TADA2B: variants seen among roughly 807,000 people sequenced by gnomAD.
TADA2B encodes transcriptional adapter 2-beta.
A neutral mutation model predicts 34.5 loss-of-function variants in TADA2B; 13 were observed. The observed-to-expected ratio is 0.38, with a 90% CI of 0.25 to 0.60. The LOEUF is 0.60. Ranked by LOEUF, TADA2B falls within the 20% of genes least tolerant of loss-of-function variation. The probability of loss-of-function intolerance (pLI) is 0.65; values close to 1 mark genes in which losing one functional copy is unlikely to be tolerated. For synonymous variants in TADA2B, 240 were observed against 243.4 expected, an observed-to-expected ratio of 0.99 and a Z score of 0.13; for missense variants, 442 against 575.0, an observed-to-expected ratio of 0.77 and a Z score of 2.37.
At chr4:7,049,239 C>T (rs762262747) in intron 1 of TADA2B, among the ~76,000 whole-genome samples, 10 of 152,260 alleles carry the variant, frequency 6.6e-5, no homozygotes, top group Non-Finnish European at 1.0e-4. Flanking sequence ...CCACCACACC[C>T]GCCTAATTTT....
At position 7,055,395 on chromosome 4, in the gene TADA2B, G is replaced by A. The variant is rs1723866415; in HGVS notation, c.*341G>A. The A allele has an allele frequency of 5.2e-6, 1 of 191,952 alleles. No homozygotes were observed. The highest frequency in any genetic ancestry group is 1.4e-4 in the East Asian group (1 of 7,156). 11.9% of individuals were successfully genotyped at this position (191,952 alleles called of 1,614,324 possible). A position where few individuals can be genotyped will look rare whatever the true frequency, so the allele number is the denominator to read the frequency against. On this transcript the variant is annotated 3_prime_UTR_variant, in exon 2 of 2. Coordinates refer to ENST00000310074, the MANE Select transcript of TADA2B (RefSeq NM_152293.3). The stretch of plus-strand genomic sequence containing the variant: ...GGTACAAAAGCTATTGTGGGTGACA[G>A]GAGCAGTGTTTTCCTGCTGGACCCG...
chr4:7,052,673 G>T lies in TADA2B; in HGVS notation c.271-1389G>T, dbSNP rs976774067. Among the ~76,000 whole-genome samples, 3 of 152,370 alleles carry T rather than the reference G, an allele frequency of 2.0e-5. No individual in the cohort carries two copies. In the East Asian group the frequency reaches 5.8e-4, roughly 29 times the overall value. ...AGAGTGGCAGTAGCTGCCGGCAATA[G>T]TTGTGACTTGGTGTTGTGTTTTGTT... On this transcript the variant is annotated intron_variant, in intron 1 of 1. Coordinates refer to ENST00000310074, the MANE Select transcript of TADA2B (RefSeq NM_152293.3).
intron 1 of TADA2B, among the ~76,000 whole-genome samples, chr4:7,045,338 T>C (rs995345609): frequency 2.6e-5 from 4 of 152,226 alleles, no homozygotes. Context: ...CGGCTGATGT[T>C]TACGTTTACT....
At chr4:7,045,727 C>T (rs1723612193) in intron 1 of TADA2B, 1 of 152,274 alleles carries the variant, frequency 6.6e-6, no homozygotes, top group Non-Finnish European at 1.5e-5. Flanking sequence ...GGACATTTTC[C>T]CGACAGCCCT....
In TADA2B at chr4:7,055,312, G is replaced by A. The variant is rs948195478; in HGVS notation, c.*258G>A. ...CTGCGATGATGCTCCGCCTTTACCC[G>A]TTCAGTTGGGAGCTTATTGTGAGAT... On this transcript the variant is annotated 3_prime_UTR_variant, in exon 2 of 2. Transcript: ENST00000310074. The A allele has an allele frequency of 1.1e-5, 5 of 437,422 alleles. No homozygotes were observed. Among genetic ancestry groups the A allele is most frequent in the African/African-American group, 4.0e-5 (2 of 49,756 alleles). 27.1% of individuals were successfully genotyped at this position (437,422 alleles called of 1,614,324 possible).
chr4:7,045,578 T>C (rs6832413), intron 1 of TADA2B: 149,864 of 152,384 alleles, frequency 0.98, 73,705 homozygotes, highest in East Asian at 1. Context: ...GCTCTCCCTG[T>C]AAATCATGGC....
intron 1 of TADA2B, among the ~76,000 whole-genome samples, chr4:7,050,995 C>T (rs776655720): frequency 6.6e-6 from 1 of 152,252 alleles, no homozygotes; most frequent in Non-Finnish European, 1.5e-5. Flanking sequence ...ATCTGAAAAC[C>T]GTAGGCGGTA....
In TADA2B at chr4:7,054,898, C is replaced by T. The variant is rs779909702; in HGVS notation, c.1107C>T (p.Tyr369=). 29 of 1,613,844 alleles carry T rather than the reference C, an allele frequency of 1.8e-5. No homozygotes were observed. In the East Asian group the frequency reaches 4.9e-4, roughly 27 times the overall value. The change falls in exon 2 of 2, where the codon TAC becomes TAT. Residue 369 remains tyrosine (Y), a synonymous_variant. Coordinates refer to ENST00000310074, the MANE Select transcript of TADA2B (RefSeq NM_152293.3). ...CSSLNLSPAR[Y]VTVKTIIIKD... is the part of the protein sequence containing the mutation. The stretch of plus-strand genomic sequence containing the variant: ...CTTTAAACTTGAGTCCAGCCCGCTA[C>T]GTGACTGTGAAGACTATTATAATTA...
intron 1 of TADA2B, 170 bp from the exon 2 acceptor site, chr4:7,053,890 CCT>C (rs1405596561): frequency 8.8e-6 from 6 of 683,170 alleles, no homozygotes; most frequent in African/African-American, 5.4e-5. Flanking sequence ...TCATCTCTCC[CCT>C]GAGCCCAGCT....
Position 7,050,753 on chromosome 4 carries a change from G to A in TADA2B, c.271-3309G>A, listed in dbSNP as rs924831478. On this transcript the variant is annotated intron_variant, in intron 1 of 1. Coordinates refer to ENST00000310074, the MANE Select transcript of TADA2B (RefSeq NM_152293.3). ...GCCTGAGCTGTGGCACGTCTCCAAC[G>A]TGCTTGTTCCAGAAAGAAGAGCAGA... Among the ~76,000 whole-genome samples, 11 of 152,216 alleles carry A rather than the reference G, an allele frequency of 7.2e-5. No individual in the cohort carries two copies. In the South Asian group the frequency reaches 1.7e-3, roughly 23 times the overall value.
chr4:7,054,473 C>G lies in TADA2B; in HGVS notation c.682C>G (p.Leu228Val). The part of the protein sequence containing the change: ...RRKNIARDYN[L>V]VPAFLGKDKK... ...GAAGAACATCGCCCGTGACTACAAT[C>G]TGGTGCCAGCCTTCCTGGGGAAGGA... The change falls in exon 2 of 2, where the codon CTG becomes GTG. Residue 228 changes from leucine (L) to valine (V), a missense_variant. Around this residue, in one of 4 missense-constraint regions of TADA2B, gnomAD observed 222 missense variants for 235.2 expected, o/e 0.94. Transcript: ENST00000310074. 6.2e-7 allele frequency: 1 copy of G among 1,613,738 alleles called. No individual in the cohort carries two copies. Among genetic ancestry groups the G allele is most frequent in the Non-Finnish European group, 8.5e-7 (1 of 1,179,902 alleles).
chr4:7,057,189 A>G lies in TADA2B; in HGVS notation c.*2135A>G, dbSNP rs942315903. The G allele has an allele frequency of 1.3e-5, 2 of 152,298 alleles. No individual in the cohort carries two copies. The highest frequency in any genetic ancestry group is 2.4e-5 in the African/African-American group (1 of 41,482). The allele number at this position is 152,298 out of a possible 1,614,324, so 9.4% of individuals were successfully genotyped here. On this transcript the variant is annotated 3_prime_UTR_variant, in exon 2 of 2. Coordinates refer to ENST00000310074, the MANE Select transcript of TADA2B (RefSeq NM_152293.3). ...AGATCCCTGTTAATGTGTATGGCCC[A>G]GGCCAAGAGCTGTCAAATGAAAAAC...
intron 1 of TADA2B, 140 bp downstream of exon 1, chr4:7,043,989 C>A: frequency 8.4e-7 from 1 of 1,186,142 alleles, no homozygotes; most frequent in Non-Finnish European, 1.1e-6. Context: ...GAGGGCGACG[C>A]TGCCGGTTTA....
chr4:7,044,793 C>T (rs1723584222), intron 1 of TADA2B, among the ~76,000 whole-genome samples: 1 of 152,164 alleles, frequency 6.6e-6, no homozygotes. Context: ...CACCAGGTGC[C>T]TGCTTCTCGG....
chr4:7,043,422 G>T lies in TADA2B; in HGVS notation c.-158G>T. ...GACGCGGCCCGGCTGGCTGGCTCTG[G>T]CGGCGGCTGGGCTGGGGCCGCGGTG... is the stretch of plus-strand genomic sequence containing the variant. On this transcript the variant is annotated 5_prime_UTR_variant, in exon 1 of 2. Transcript: ENST00000310074. The T allele has an allele frequency of 5.0e-6, 1 of 201,838 alleles. No homozygotes were observed. Among genetic ancestry groups the T allele is most frequent in the Non-Finnish European group, 8.6e-6 (1 of 116,480 alleles). The allele number at this position is 201,838 out of a possible 1,614,324, so 12.5% of individuals were successfully genotyped here. A position where few individuals can be genotyped will look rare whatever the true frequency, so the allele number is the denominator to read the frequency against.
chr4:7,043,980 AGGGCGACGCTGCCGGTTTATAGTC>A, intron 1 of TADA2B, 131 bp downstream of exon 1: 1 of 1,217,388 alleles, frequency 8.2e-7, no homozygotes, highest in Non-Finnish European at 1.1e-6. Context: ...GGAGGTGGGG[AGGGCGACGCTGCCGGTTTATAGTC>A]GGGCACCTGT....
chr4:7,044,461 G>GCTT (rs1235672760), intron 1 of TADA2B, among the ~76,000 whole-genome samples: 1 of 152,196 alleles, frequency 6.6e-6, no homozygotes, highest in African/African-American at 2.4e-5. Flanking sequence ...GAGGCCTGGG[G>GCTT]CTTGGGTTTT....
At chr4:7,052,386 C>T (rs917814155) in intron 1 of TADA2B, among the ~76,000 whole-genome samples, 3 of 152,252 alleles carry the variant, frequency 2.0e-5, no homozygotes, top group Admixed American at 6.5e-5. Context: ...TAGGTAGACA[C>T]GGCCTGTAGT....
chr4:7,049,748 CT>C (rs1560392998), intron 1 of TADA2B, among the ~76,000 whole-genome samples: 1 of 152,234 alleles, frequency 6.6e-6, no homozygotes, highest in East Asian at 1.9e-4. Flanking sequence ...CTCAAGTTGT[CT>C]CTTTAAAGGT....
Sources: allele counts gnomAD v4.1 joint callset (sites outside exome capture counted in the v4.1 genomes callset), GRCh38; gene constraint gnomAD v4.1.1; regional missense constraint gnomAD v4.1.1; transcripts MANE v1.5; gene names NCBI Gene and HGNC (gene_info 2026-07-23, HGNC 2026-07-21).